ESRRG: variants seen among roughly 807,000 people sequenced by gnomAD.
ESRRG encodes the protein estrogen related receptor gamma, also known as estrogen-related receptor gamma.
ESRRG carries 13 observed loss-of-function variants against 44.0 expected under a neutral mutation model. The ratio of observed to expected loss-of-function variants is 0.30; its 90% CI spans 0.19 to 0.47. The LOEUF (loss-of-function observed/expected upper bound fraction) is 0.47, where lower values mean the gene tolerates loss of function less well. Ranked by LOEUF, ESRRG falls within the 20% of genes least tolerant of loss-of-function variation. ESRRG has a pLI of 1.00. For missense variants in ESRRG, 395 were observed against 580.6 expected (o/e 0.68, Z 3.29); for synonymous variants, 215 against 214.6 (o/e 1.00, Z -0.02).
intron 2 of ESRRG, among the ~76,000 whole-genome samples, chr1:216,662,445 A>G (rs1368054875): frequency 6.6e-6 from 1 of 152,150 alleles, no homozygotes. Flanking sequence ...GGCTGGATTG[A>G]GAGAAAGGCG....
chr1:216,714,291 T>C (rs2084310466), intron 1 of ESRRG, among the ~76,000 whole-genome samples: 1 of 152,182 alleles, frequency 6.6e-6, no homozygotes, highest in Admixed American at 6.6e-5. Context: ...GTGAATATCA[T>C]GCACTTACCT....
chr1:216,981,991 T>C (rs972232002), intron 1 of ESRRG, among the ~76,000 whole-genome samples: 2 of 152,232 alleles, frequency 1.3e-5, no homozygotes. Context: ...TTGCCATGTA[T>C]TGAAGCCTGA....
chr1:216,633,791 A>G (rs2064732993), intron 3 of ESRRG, among the ~76,000 whole-genome samples: 2 of 152,356 alleles, frequency 1.3e-5, no homozygotes, highest in South Asian at 4.1e-4. Context: ...CTTTCATGAC[A>G]TTTTATTCTG....
intron 2 of ESRRG, among the ~76,000 whole-genome samples, chr1:216,829,955 T>C (rs551692547): frequency 1.3e-5 from 2 of 152,094 alleles, no homozygotes; most frequent in Non-Finnish European, 2.9e-5. Flanking sequence ...AACTTGACAA[T>C]GCACAAACTG....
At chr1:216,616,177 G>A (rs763747394) in intron 3 of ESRRG, among the ~76,000 whole-genome samples, 1 of 152,116 alleles carries the variant, frequency 6.6e-6, no homozygotes, top group Non-Finnish European at 1.5e-5. Flanking sequence ...CTGGATCCTG[G>A]CTGTCACTAC....
At chr1:216,905,319 C>A (rs930146278) in intron 2 of ESRRG, among the ~76,000 whole-genome samples, 2 of 151,128 alleles carry the variant, frequency 1.3e-5, no homozygotes, top group African/African-American at 4.9e-5. Context: ...TTTTCCTGTT[C>A]TTTGAACCAC....
In ESRRG at chr1:216,507,007, T is replaced by G. The variant is rs1338874641; in HGVS notation, c.1309A>C (p.Asn437His). 6.2e-7 allele frequency: 1 copy of G among 1,614,072 alleles called. No homozygotes were observed. Among genetic ancestry groups the G allele is most frequent in the Non-Finnish European group, 8.5e-7 (1 of 1,180,036 alleles). ...TSTKAVQHFY[N>H]IKLEGKVPMH... Reference sequence around the variant, plus strand: ...GGGACTTTGCCTTCTAGTTTGATGTTGTAGAAATGCTGCACGGCCTTGGTA... The same window carrying G: ...GGGACTTTGCCTTCTAGTTTGATGTGGTAGAAATGCTGCACGGCCTTGGTA... Residue 437 changes from asparagine (N) to histidine (H), a missense_variant, in exon 7 of 7, where the codon AAC (asparagine) becomes CAC (histidine). Asn to His is a moderately conservative substitution (Grantham distance 68, BLOSUM62 1). Coordinates refer to ENST00000408911, the MANE Select transcript of ESRRG (RefSeq NM_001438.4).
At chr1:216,790,545 G>C (rs895609976) in intron 2 of ESRRG, among the ~76,000 whole-genome samples, 1 of 152,102 alleles carries the variant, frequency 6.6e-6, no homozygotes, top group Admixed American at 6.6e-5. Flanking sequence ...GTAAGGTTTG[G>C]ATAGGATTTT....
At chr1:216,517,502 T>C (rs1241343156) in intron 6 of ESRRG, among the ~76,000 whole-genome samples, 3 of 152,200 alleles carry the variant, frequency 2.0e-5, no homozygotes, top group African/African-American at 4.8e-5. Context: ...TAGTTAATAA[T>C]TTTTAAAAGC....
At chr1:216,857,260 C>T (rs2095961307) in intron 2 of ESRRG, among the ~76,000 whole-genome samples, 1 of 151,910 alleles carries the variant, frequency 6.6e-6, no homozygotes, top group Admixed American at 6.6e-5. Flanking sequence ...AATCTGCTAA[C>T]CAGCACTGGG....
chr1:216,601,745 G>T (rs1012364044), intron 3 of ESRRG, among the ~76,000 whole-genome samples: 4 of 152,142 alleles, frequency 2.6e-5, no homozygotes, highest in Admixed American at 1.3e-4. Context: ...TTTAGAAAGA[G>T]AAATAAAGGC....
intron 2 of ESRRG, among the ~76,000 whole-genome samples, chr1:216,747,791 T>C (rs1418698592): frequency 1.3e-5 from 2 of 152,142 alleles, no homozygotes; most frequent in African/African-American, 4.8e-5. Context: ...CTTAAAATAT[T>C]ATTAATCTAT....
intron 1 of ESRRG, among the ~76,000 whole-genome samples, chr1:216,947,125 C>T: frequency 6.6e-6 from 1 of 151,958 alleles, no homozygotes; most frequent in East Asian, 1.9e-4. Flanking sequence ...CAAGTCTTTC[C>T]CTCTTCTTGG....
intron 3 of ESRRG, among the ~76,000 whole-genome samples, chr1:216,636,848 C>A (rs1309149531): frequency 6.6e-6 from 1 of 152,132 alleles, no homozygotes; most frequent in Non-Finnish European, 1.5e-5. Context: ...AGCACATAAC[C>A]AAATAGTTAA....
Position 216,990,736 on chromosome 1 carries a change from G to GGAT in ESRRG, c.-105-51066_-105-51064dup, listed in dbSNP as rs1269590676. Among the ~76,000 whole-genome samples, 4 of 152,078 alleles carry GGAT rather than the reference G, an allele frequency of 2.6e-5. No individual in the cohort carries two copies. In the East Asian group the frequency reaches 5.8e-4, roughly 22 times the overall value. On this transcript the variant is annotated intron_variant, in intron 1 of 7. Coordinates refer to the ESRRG transcript ENST00000359162. ...TTTTCTCTATCTTACTTTATTGTAA[G>GGAT]GATACAGTATATAACACATATAACA...
At chr1:216,991,267 T>A (rs992900023) in intron 1 of ESRRG, among the ~76,000 whole-genome samples, 64 of 152,274 alleles carry the variant, frequency 4.2e-4, no homozygotes, top group African/African-American at 1.4e-3. Flanking sequence ...ACTGTTGCTA[T>A]AAAGAGCACT....
At chr1:216,724,725 C>T (rs2087129493), upstream of ESRRG, among the ~76,000 whole-genome samples, 1 of 152,096 alleles carries the variant, frequency 6.6e-6, no homozygotes, top group African/African-American at 2.4e-5. Context: ...GTTTTTTCCT[C>T]CTTCAATTGT....
intron 2 of ESRRG, among the ~76,000 whole-genome samples, chr1:216,916,834 C>CTTTTTTTTTTTTTTTTTTTTTT (rs749847047): frequency 1.6e-5 from 1 of 62,466 alleles, no homozygotes; most frequent in Non-Finnish European, 2.8e-5. Context: ...CAGCTTTGGT[C>CTTTTTTTTTTTTTTTTTTTTTT]TTTTTTTTTT....
intron 3 of ESRRG, among the ~76,000 whole-genome samples, chr1:216,637,758 C>T (rs2065578949): frequency 6.6e-6 from 1 of 152,056 alleles, no homozygotes; most frequent in South Asian, 2.1e-4. Flanking sequence ...CAGATCAAAA[C>T]CAACATTATT....
Sources: allele counts gnomAD v4.1 joint callset (sites outside exome capture counted in the v4.1 genomes callset), GRCh38; gene constraint gnomAD v4.1.1; transcripts MANE v1.5; gene names NCBI Gene and HGNC (gene_info 2026-07-23, HGNC 2026-07-21).